Variants in SNED1 observed in about 807,000 individuals in gnomAD.
The protein encoded by SNED1 is sushi, nidogen and EGF like domains 1, also known as sushi, nidogen and EGF-like domain-containing protein 1.
A neutral mutation model predicts 166.7 loss-of-function variants in SNED1; 81 were observed. The ratio of observed to expected loss-of-function variants is 0.49; its 90% confidence interval spans 0.41 to 0.58. SNED1 has a LOEUF of 0.58. Ranked by LOEUF, SNED1 falls within the 20% of genes least tolerant of loss-of-function variation. The pLI is 0.00. For missense variants in SNED1, 1,604 were observed against 2,000.2 expected, an observed-to-expected ratio of 0.80 and a Z score of 3.78; for synonymous variants, 762 against 822.0, an observed-to-expected ratio of 0.93 and a Z score of 1.25.
At chr2:241,021,022 A>G (rs1029426201) in intron 1 of SNED1, among the ~76,000 whole-genome samples, 2 of 152,232 alleles carry the variant, frequency 1.3e-5, no homozygotes, top group Non-Finnish European at 2.9e-5. Flanking sequence ...TCACTTAAGC[A>G]TCCCCACTGC....
rs1277110867 is a variant in SNED1, at chr2:241,094,301, A to G, written c.*2665A>G. On this transcript the variant is annotated 3_prime_UTR_variant, in exon 32 of 32. Coordinates refer to ENST00000310397, the MANE Select transcript of SNED1 (RefSeq NM_001080437.3). The surrounding 1 kb of genome is among the most constrained non-coding windows in gnomAD (Gnocchi z 4.3). ...CCTCCTGCACCTCCCCTTAGCAGGA[A>G]CTCCTTCCACTGGCAAAGGACTGCC... 3 of 469,454 alleles carry G rather than the reference A, an allele frequency of 6.4e-6. No homozygotes were observed. The highest frequency in any genetic ancestry group is 6.0e-5 in the African/African-American group (3 of 50,002). The allele number at this position is 469,454 out of a possible 1,614,324, so 29.1% of individuals were successfully genotyped here.
rs2060472272 is a variant in SNED1 at position 241,013,268 on chromosome 2, T to G, written c.213+14218T>G. ...CCACCTCAGCCCCTGGTAACCATCC[T>G]TCTACTCTCTGCTTCTATGAACTCA... is the stretch of plus-strand genomic sequence containing the variant. On this transcript the variant is annotated intron_variant, in intron 1 of 31. Coordinates refer to ENST00000310397, the MANE Select transcript of SNED1 (RefSeq NM_001080437.3). The surrounding 1 kb of genome is among the most constrained non-coding windows in gnomAD (Gnocchi z 4.6). Among the ~76,000 whole-genome samples, 1 of 152,126 alleles carries G rather than the reference T, an allele frequency of 6.6e-6. No homozygotes were observed. Among genetic ancestry groups the G allele is most frequent in the Non-Finnish European group, 1.5e-5 (1 of 68,022 alleles).
Position 241,072,796 on chromosome 2 carries a change from G to A in SNED1, c.3818-470G>A, listed in dbSNP as rs890730241. 11 of 192,038 alleles carry A rather than the reference G, an allele frequency of 5.7e-5. No homozygotes were observed. In the Middle Eastern group the frequency reaches 6.8e-3, roughly 118 times the overall value. 11.9% of individuals were successfully genotyped at this position (192,038 alleles called of 1,614,324 possible). A position where few individuals can be genotyped will look rare whatever the true frequency, so the allele number is the denominator to read the frequency against. On this transcript the variant is annotated intron_variant, in intron 26 of 31. Coordinates refer to ENST00000310397, the MANE Select transcript of SNED1 (RefSeq NM_001080437.3). ...CTATGGAAGCGGATATGAAGTGCCC[G>A]AGGGTGCGGTTGAGATCCCTGCATA...
chr2:241,055,705 T>G (rs2062020988), intron 16 of SNED1, among the ~76,000 whole-genome samples: 1 of 152,038 alleles, frequency 6.6e-6, no homozygotes, highest in Non-Finnish European at 1.5e-5. Context: ...ATGCAGAGAG[T>G]AAGTTCTCAG....
chr2:241,016,420 C>T (rs965131912), intron 1 of SNED1, among the ~76,000 whole-genome samples: 1 of 152,076 alleles, frequency 6.6e-6, no homozygotes, highest in Non-Finnish European at 1.5e-5. Flanking sequence ...AGGATGGTCT[C>T]GATCTGACCT....
At position 241,073,361 on chromosome 2, in the gene SNED1, G is replaced by A. The variant is rs187815821; in HGVS notation, c.3913G>A (p.Gly1305Arg). ...QLPEHGSKDI[G>R]NVPGNCSENP... ...CCCTGAACACGGCAGCAAGGACATCGGAAGTGAGTCAGCAGCGCTGGTGGG... is the reference window on the plus strand; with the variant it reads ...CCCTGAACACGGCAGCAAGGACATCAGAAGTGAGTCAGCAGCGCTGGTGGG... The change falls in exon 27 of 32, where the codon GGA becomes AGA. Residue 1305 changes from glycine to arginine, a missense_variant. Around this residue, in one of 2 missense-constraint regions of SNED1, gnomAD observed 367 missense variants for 379.4 expected, o/e 0.97. Coordinates refer to ENST00000310397, the MANE Select transcript of SNED1 (RefSeq NM_001080437.3). The surrounding 1 kb of genome is among the most constrained non-coding windows in gnomAD (Gnocchi z 6.6). 1.7e-4 allele frequency: 262 copies of A among 1,566,742 alleles called. No individual in the cohort carries two copies. Among genetic ancestry groups the A allele is most frequent in the Middle Eastern group, 3.3e-4 (2 of 6,014 alleles).
Position 241,068,641 on chromosome 2 carries a change from C to G in SNED1, c.3195-270C>G, listed in dbSNP as rs1409257325. Among the ~76,000 whole-genome samples, 2 of 152,040 alleles carry G rather than the reference C, an allele frequency of 1.3e-5. No individual in the cohort carries two copies. The highest frequency in any genetic ancestry group is 2.9e-5 in the Non-Finnish European group (2 of 67,990). On this transcript the variant is annotated intron_variant, in intron 22 of 31. Transcript: ENST00000310397. This position sits in a 1 kb window ranked among gnomAD's most constrained non-coding sequence, Gnocchi z 5.3. ...CCACTTCCCCCTTCTCTGGCCTCTCCCAGCTGAACACCGGCCCTCTGACCA... is the reference window on the plus strand; with the variant it reads ...CCACTTCCCCCTTCTCTGGCCTCTCGCAGCTGAACACCGGCCCTCTGACCA...
In SNED1 at chr2:240,999,683, C is replaced by G. The variant is rs1156931951; in HGVS notation, c.213+633C>G. On this transcript the variant is annotated intron_variant, in intron 1 of 31. Transcript: ENST00000310397. This position sits in a 1 kb window ranked among gnomAD's most constrained non-coding sequence, Gnocchi z 5.8. Reference sequence around the variant, plus strand: ...TCTCCAAACAGGACTCCCAGTGGGACTCCTGGGGCCAGGGACTCATGACAG... The same window carrying G: ...TCTCCAAACAGGACTCCCAGTGGGAGTCCTGGGGCCAGGGACTCATGACAG... 1.3e-5 allele frequency among the ~76,000 whole-genome samples: 2 copies of G among 152,198 alleles called. No homozygotes were observed. Among genetic ancestry groups the G allele is most frequent in the Non-Finnish European group, 2.9e-5 (2 of 68,020 alleles).
At chr2:241,078,109 G>A (rs1270973576) in intron 27 of SNED1, among the ~76,000 whole-genome samples, 2 of 152,200 alleles carry the variant, frequency 1.3e-5, no homozygotes, top group Non-Finnish European at 2.9e-5. Context: ...AAGTGGCCGG[G>A]CGCGGTGGCT....
At chr2:241,002,656 A>G (rs1045348966) in intron 1 of SNED1, among the ~76,000 whole-genome samples, 1 of 152,110 alleles carries the variant, frequency 6.6e-6, no homozygotes, top group African/African-American at 2.4e-5. Context: ...CCTGGACCTC[A>G]CAGGCAGCCC....
In SNED1 at chr2:241,071,623, C is replaced by T. The variant is rs375012619; in HGVS notation, c.3637C>T (p.Pro1213Ser). 2.5e-6 allele frequency: 4 copies of T among 1,586,804 alleles called. No individual in the cohort carries two copies. The highest frequency in any genetic ancestry group is 3.4e-6 in the Non-Finnish European group (4 of 1,173,894). ...ACGCTGGCACCAGGGAGGACACCAC[C>T]CTCGGGTGCTCAAGAACAGACCGCC... ...DRRWHQGGHH[P>S]RVLKNRPPPA... The change falls in exon 25 of 32, where the codon CCT becomes TCT. Residue 1213 changes from proline to serine, a missense_variant. By Grantham distance (74) the Pro-to-Ser change is moderately conservative (BLOSUM62 -1). Coordinates refer to ENST00000310397, the MANE Select transcript of SNED1 (RefSeq NM_001080437.3).
chr2:241,002,921 T>C (rs1414402636), intron 1 of SNED1, among the ~76,000 whole-genome samples: 4 of 151,864 alleles, frequency 2.6e-5, no homozygotes, highest in African/African-American at 9.7e-5. Context: ...CCTGCCTCTC[T>C]ACTTGGACCA....
chr2:241,022,281 A>G (rs1163038106), intron 1 of SNED1, among the ~76,000 whole-genome samples: 1 of 152,182 alleles, frequency 6.6e-6, no homozygotes, highest in African/African-American at 2.4e-5. Context: ...TTTTGGTGTC[A>G]TATCCAAGAA....
At chr2:241,019,545 C>T (rs1309687468) in intron 1 of SNED1, among the ~76,000 whole-genome samples, 7 of 152,222 alleles carry the variant, frequency 4.6e-5, no homozygotes. Context: ...TGTCAGGAGA[C>T]TTTAGCCTGG....
intron 1 of SNED1, among the ~76,000 whole-genome samples, chr2:241,022,297 G>A (rs539134507): frequency 6.6e-6 from 1 of 152,256 alleles, no homozygotes; most frequent in Non-Finnish European, 1.5e-5. Context: ...AAGAAACCAT[G>A]GGATAATCCA....
At chr2:241,017,371 G>A (rs1010715739) in intron 1 of SNED1, among the ~76,000 whole-genome samples, 3 of 152,248 alleles carry the variant, frequency 2.0e-5, no homozygotes, top group Admixed American at 1.3e-4. Context: ...GGACCAAGGA[G>A]ACGCCGTACA....
rs750750422 is a variant in SNED1, at chr2:241,033,889, G to T, written c.642+14G>T. The T allele has an allele frequency of 5.7e-6, 9 of 1,586,868 alleles. No homozygotes were observed. The highest frequency in any genetic ancestry group is 7.7e-6 in the Non-Finnish European group (9 of 1,167,346). On this transcript the variant is annotated intron_variant, in intron 3 of 31. Transcript: ENST00000310397. ...ATCGCAGCCCAGGTAGGCGAGTGCA[G>T]TCGGTGCTCTGTGTTCAGAACCCCT... is the stretch of plus-strand genomic sequence containing the variant.
At chr2:241,022,705 G>A (rs892273888) in intron 1 of SNED1, among the ~76,000 whole-genome samples, 2 of 152,162 alleles carry the variant, frequency 1.3e-5, no homozygotes, top group Non-Finnish European at 2.9e-5. Flanking sequence ...ATGAGCTATG[G>A]TGGCCTTTGT....
intron 6 of SNED1, among the ~76,000 whole-genome samples, chr2:241,039,417 C>G (rs2061461207): frequency 6.6e-6 from 1 of 152,174 alleles, no homozygotes; most frequent in South Asian, 2.1e-4. Flanking sequence ...TATGAGCTGT[C>G]AGTAAGACAG....
Sources: gnomAD v4.1 joint callset for allele counts (sites outside exome capture counted in the v4.1 genomes callset) on GRCh38, gnomAD v4.1.1 for gene constraint, gnomAD v4.1.1 regional missense constraint, Gnocchi (gnomAD v3.1) non-coding constraint, MANE v1.5 for transcripts, NCBI Gene and HGNC (gene_info 2026-07-23, HGNC 2026-07-21) for gene names.